The following ADAMTSL1 variants were observed in gnomAD, a reference collection of about 807,000 sequenced individuals.
ADAMTSL1 encodes the protein ADAMTS like 1, also known as ADAMTS-like protein 1.
Under a neutral mutation model 201.8 loss-of-function variants are expected in ADAMTSL1, and 126 were observed. That is an observed-to-expected ratio of 0.62 (90% CI 0.54 to 0.72). The LOEUF is 0.72. ADAMTSL1 is among the 30% of genes least tolerant of loss of function. The pLI is 0.00. For synonymous variants in ADAMTSL1, 1,121 were observed against 903.4 expected (o/e 1.24, Z -4.32); for missense variants, 2,679 against 2,277.8 (o/e 1.18, Z -3.59).
At chr9:18,361,088 T>C (rs1489684057) in intron 2 of ADAMTSL1, among the ~76,000 whole-genome samples, 2 of 152,190 alleles carry the variant, frequency 1.3e-5, no homozygotes, top group Non-Finnish European at 2.9e-5. Context: ...CAAGATGGTA[T>C]TGTTTTCCCC....
At chr9:18,258,665 G>A (rs1206248037) in intron 2 of ADAMTSL1, among the ~76,000 whole-genome samples, 7 of 152,190 alleles carry the variant, frequency 4.6e-5, no homozygotes, top group South Asian at 2.1e-4. Context: ...CCGCATCATC[G>A]ATCTTTCCCT....
intron 2 of ADAMTSL1, among the ~76,000 whole-genome samples, chr9:18,338,416 ACCTTATGTAACT>A: frequency 6.6e-6 from 1 of 151,826 alleles, no homozygotes; most frequent in Admixed American, 6.6e-5. Flanking sequence ...GAGTCCTCAC[ACCTTATGTAACT>A]GATTATCCCC....
At chr9:18,473,407 A>G (rs1414415786), upstream of ADAMTSL1, among the ~76,000 whole-genome samples, 2 of 152,160 alleles carry the variant, frequency 1.3e-5, no homozygotes, top group Admixed American at 1.3e-4. Flanking sequence ...TAAGTTTCTA[A>G]TTGTGCCTTT....
chr9:18,072,336 G>A (rs903141596), intron 1 of ADAMTSL1, among the ~76,000 whole-genome samples: 2 of 152,180 alleles, frequency 1.3e-5, no homozygotes, highest in African/African-American at 4.8e-5. Context: ...AAAGATGGCT[G>A]TCCAATGTGA....
chr9:18,024,516 G>A (rs894829259), intron 1 of ADAMTSL1, among the ~76,000 whole-genome samples: 1 of 152,054 alleles, frequency 6.6e-6, no homozygotes, highest in Non-Finnish European at 1.5e-5. Context: ...AACATGTGGT[G>A]TTTATTTTTC....
At chr9:18,019,617 C>G (rs1194363010) in intron 1 of ADAMTSL1, among the ~76,000 whole-genome samples, 1 of 151,998 alleles carries the variant, frequency 6.6e-6, no homozygotes, top group East Asian at 1.9e-4. Flanking sequence ...GAAAGACTTA[C>G]CTGGAAGAAT....
At chr9:18,899,860 C>A (rs1167360239) in intron 26 of ADAMTSL1, among the ~76,000 whole-genome samples, 2 of 139,134 alleles carry the variant, frequency 1.4e-5, no homozygotes, top group African/African-American at 4.9e-5. Context: ...GAGGCAATAC[C>A]ATTCAGAACA....
At chr9:18,249,120 C>G (rs1831369692) in intron 2 of ADAMTSL1, among the ~76,000 whole-genome samples, 1 of 152,092 alleles carries the variant, frequency 6.6e-6, no homozygotes, top group Non-Finnish European at 1.5e-5. Flanking sequence ...CTTGGCCACC[C>G]CTCACTTTCA....
intron 2 of ADAMTSL1, among the ~76,000 whole-genome samples, chr9:18,417,348 T>G (rs1231660761): frequency 1.8e-5 from 1 of 55,270 alleles, no homozygotes; most frequent in African/African-American, 7.7e-5. Context: ...AAAGGCTAAA[T>G]GAGAACTAAA....
rs957824765 is a variant in ADAMTSL1 at position 18,776,789 on chromosome 9, C to A, written c.2560C>A (p.Arg854=). The change falls in exon 19 of 29, where the codon CGG becomes AGG. Residue 854 remains arginine (R), a synonymous_variant. Transcript: ENST00000380548. ...GTTCGCTCTCCTTCCAGGGCCCGGG[C>A]GGCCATCCACGAAGCACAGCCCGCA... ...CMLATCARPG[R]PSTKHSPHIA... is the part of the protein sequence containing the mutation. 2 of 1,548,158 alleles carry A rather than the reference C, an allele frequency of 1.3e-6. No homozygotes were observed. The highest frequency in any genetic ancestry group is 2.4e-5 in the East Asian group (1 of 41,042).
chr9:18,272,014 G>A (rs1445223725), intron 2 of ADAMTSL1, among the ~76,000 whole-genome samples: 1 of 150,726 alleles, frequency 6.6e-6, no homozygotes, highest in Non-Finnish European at 1.5e-5. Context: ...CCCACTTTTT[G>A]ATGGGGTTGT....
chr9:18,904,908 A>T (rs1402342687), intron 26 of ADAMTSL1, among the ~76,000 whole-genome samples: 1 of 151,926 alleles, frequency 6.6e-6, no homozygotes, highest in Non-Finnish European at 1.5e-5. Context: ...TTAACCTTTG[A>T]GGTCATGGAT....
At chr9:18,303,416 T>A (rs1833779860) in intron 2 of ADAMTSL1, among the ~76,000 whole-genome samples, 1 of 152,142 alleles carries the variant, frequency 6.6e-6, no homozygotes, top group African/African-American at 2.4e-5. Context: ...GCTTCCTGTT[T>A]GGGATGCTTC....
intron 2 of ADAMTSL1, among the ~76,000 whole-genome samples, chr9:18,337,574 G>T (rs1835295307): frequency 6.6e-6 from 1 of 152,128 alleles, no homozygotes; most frequent in South Asian, 2.1e-4. Context: ...AAATTATATA[G>T]TTAACCCAGG....
At chr9:18,532,141 A>C (rs905844555) in intron 2 of ADAMTSL1, among the ~76,000 whole-genome samples, 8 of 152,222 alleles carry the variant, frequency 5.3e-5, no homozygotes, top group African/African-American at 1.4e-4. Flanking sequence ...TATTTTGAAA[A>C]GAGTATAGTA....
At chr9:18,548,099 C>T (rs1278557740) in intron 3 of ADAMTSL1, among the ~76,000 whole-genome samples, 4 of 151,948 alleles carry the variant, frequency 2.6e-5, no homozygotes, top group African/African-American at 9.7e-5. Flanking sequence ...TTGATGGATG[C>T]TTGCAATTGT....
At chr9:18,741,780 T>C (rs1013137811) in intron 15 of ADAMTSL1, among the ~76,000 whole-genome samples, 2 of 152,178 alleles carry the variant, frequency 1.3e-5, no homozygotes, top group Non-Finnish European at 2.9e-5. Flanking sequence ...CCTCTAATCC[T>C]CCTTTGCATG....
At chr9:18,771,714 T>TTTA in intron 17 of ADAMTSL1, among the ~76,000 whole-genome samples, 1 of 118,998 alleles carries the variant, frequency 8.4e-6, no homozygotes, top group Non-Finnish European at 1.9e-5. Flanking sequence ...CCTTTTTTTT[T>TTTA]TTTTTTTTTT....
At chr9:18,161,367 C>T (rs1431655505) in intron 1 of ADAMTSL1, among the ~76,000 whole-genome samples, 3 of 152,026 alleles carry the variant, frequency 2.0e-5, no homozygotes, top group Non-Finnish European at 4.4e-5. Context: ...GTTCATTAGG[C>T]TTCTTTTCAA....
Sources: allele counts gnomAD v4.1 joint callset (sites outside exome capture counted in the v4.1 genomes callset), GRCh38; gene constraint gnomAD v4.1.1; transcripts MANE v1.5; gene names NCBI Gene and HGNC (gene_info 2026-07-23, HGNC 2026-07-21).